The following PRDM16 variants were observed in gnomAD, a reference collection of about 807,000 sequenced individuals.
PRDM16 encodes PR/SET domain 16, also known as histone-lysine N-methyltransferase PRDM16.
PRDM16 carries 23 observed loss-of-function variants against 110.6 expected under a neutral mutation model. The observed-to-expected ratio is 0.21, with a 90% CI of 0.15 to 0.29. PRDM16 has a LOEUF of 0.29. PRDM16 is among the 10% of genes least tolerant of loss of function. The probability of loss-of-function intolerance (pLI) is 1.00; values close to 1 mark genes in which losing one functional copy is unlikely to be tolerated. For missense variants in PRDM16, 1,615 were observed against 1,794.3 expected (o/e 0.90, Z 1.81); for synonymous variants, 799 against 781.8 (o/e 1.02, Z -0.37).
intron 3 of PRDM16, among the ~76,000 whole-genome samples, chr1:3,379,958 A>G (rs1321602548): frequency 1.6e-3 from 67 of 42,864 alleles, no homozygotes; most frequent in East Asian, 3.2e-3. Context: ...ACCCCTCCCA[A>G]CACACCCCTC....
chr1:3,386,062 G>T (rs1053630946), intron 4 of PRDM16, among the ~76,000 whole-genome samples: 8 of 152,190 alleles, frequency 5.3e-5, no homozygotes, highest in Non-Finnish European at 1.0e-4. Context: ...CTTGCGAGTG[G>T]CCCCTGGAGG....
At chr1:3,210,362 C>T (rs1638853538) in intron 2 of PRDM16, among the ~76,000 whole-genome samples, 1 of 152,226 alleles carries the variant, frequency 6.6e-6, no homozygotes, top group Admixed American at 6.5e-5. Context: ...AACCAAGGCC[C>T]TGGAAGGCTT....
chr1:3,129,085 C>T lies in PRDM16; in HGVS notation c.38-57040C>T, dbSNP rs568633933. Reference sequence around the variant, plus strand: ...GGGGGGTTGCGTGTGCATGTGTGTGCGTTTCCTGGCTGGTGTGCGTGCATG... The same window carrying T: ...GGGGGGTTGCGTGTGCATGTGTGTGTGTTTCCTGGCTGGTGTGCGTGCATG... On this transcript the variant is annotated intron_variant, in intron 1 of 16. Coordinates refer to ENST00000270722, the MANE Select transcript of PRDM16 (RefSeq NM_022114.4). Among the ~76,000 whole-genome samples, 32 of 151,102 alleles carry T rather than the reference C, an allele frequency of 2.1e-4. No individual in the cohort carries two copies. The South Asian group carries it at 6.1e-3, about 29-fold the overall frequency.
At chr1:3,241,290 T>TG (rs1001697693) in intron 2 of PRDM16, among the ~76,000 whole-genome samples, 23 of 152,194 alleles carry the variant, frequency 1.5e-4, no homozygotes, top group African/African-American at 4.6e-4. Context: ...GCAGGGCAGC[T>TG]GGGGGGGCTC....
intron 2 of PRDM16, among the ~76,000 whole-genome samples, chr1:3,200,299 G>A (rs909414440): frequency 2.6e-5 from 4 of 152,186 alleles, no homozygotes; most frequent in African/African-American, 9.6e-5. Flanking sequence ...GCTCTACCGA[G>A]GCCCTTAGCC....
chr1:3,195,279 C>T (rs536602810), intron 2 of PRDM16, among the ~76,000 whole-genome samples: 1 of 152,152 alleles, frequency 6.6e-6, no homozygotes, highest in Non-Finnish European at 1.5e-5. Context: ...TGACATCAGC[C>T]CTAGACGTTT....
In PRDM16 at chr1:3,319,828, C is replaced by T. The variant is rs553884030; in HGVS notation, c.439-65324C>T. 1.2e-4 allele frequency among the ~76,000 whole-genome samples: 19 copies of T among 152,318 alleles called. No individual in the cohort carries two copies. The East Asian group carries it at 3.1e-3, about 25-fold the overall frequency. On this transcript the variant is annotated intron_variant, in intron 3 of 16. Transcript: ENST00000270722. ...TAGGCGCTCCTCCCATGGCTTTAGCCGGCTTCCCCAAAGAGTTTTGGTGCC... is the reference window on the plus strand; with the variant it reads ...TAGGCGCTCCTCCCATGGCTTTAGCTGGCTTCCCCAAAGAGTTTTGGTGCC...
Position 3,250,744 on chromosome 1 carries a change from CCCAAGT to C in PRDM16, c.438+6613_438+6618del, listed in dbSNP as rs1373892815. Among the ~76,000 whole-genome samples the C allele has an allele frequency of 3.3e-5, 5 of 152,310 alleles. No individual in the cohort carries two copies. In the East Asian group the frequency reaches 9.7e-4, roughly 29 times the overall value. On this transcript the variant is annotated intron_variant, in intron 3 of 16. Transcript: ENST00000270722. ...AAAGGCATTGTTCACACACATCCAG[CCCAAGT>C]CCAAGAGCACATGGGGGGACGTGAG...
At chr1:3,404,250 G>A (rs759994396) in intron 6 of PRDM16, among the ~76,000 whole-genome samples, 2 of 152,186 alleles carry the variant, frequency 1.3e-5, no homozygotes, top group South Asian at 2.1e-4. Context: ...AGCTGTGCTC[G>A]GGTCCCCTCC....
At chr1:3,327,884 T>C (rs1168784022) in intron 3 of PRDM16, among the ~76,000 whole-genome samples, 1 of 152,188 alleles carries the variant, frequency 6.6e-6, no homozygotes, top group Non-Finnish European at 1.5e-5. Flanking sequence ...GTTACCCCCA[T>C]TCCACAGATG....
In PRDM16 at chr1:3,244,271, G is replaced by A. The variant is rs1019491624; in HGVS notation, c.438+134G>A. 3 of 802,182 alleles carry A rather than the reference G, an allele frequency of 3.7e-6. No individual in the cohort carries two copies. In the South Asian group the frequency reaches 4.5e-5, roughly 12 times the overall value. 49.7% of individuals were successfully genotyped at this position (802,182 alleles called of 1,614,324 possible). On this transcript the variant is annotated intron_variant, in intron 3 of 16. Coordinates refer to ENST00000270722, the MANE Select transcript of PRDM16 (RefSeq NM_022114.4). This position sits in a 1 kb window ranked among gnomAD's most constrained non-coding sequence, Gnocchi z 4.1. ...GTTGCTGGCAGGCCCCGAGCAATGT[G>A]TTATCTGTGGACTGACGTGTGCACA...
intron 1 of PRDM16, among the ~76,000 whole-genome samples, chr1:3,114,464 C>T (rs1333292923): frequency 2.0e-5 from 3 of 147,758 alleles, no homozygotes; most frequent in South Asian, 2.1e-4. Flanking sequence ...CACACGCACA[C>T]ACGCAGTGTA....
chr1:3,231,489 G>A (rs1272685306), intron 2 of PRDM16, among the ~76,000 whole-genome samples: 1 of 150,106 alleles, frequency 6.7e-6, no homozygotes, highest in Non-Finnish European at 1.5e-5. Context: ...GGGCGTCGAG[G>A]CTGCTCAGCC....
intron 3 of PRDM16, among the ~76,000 whole-genome samples, chr1:3,356,820 T>C (rs755817982): frequency 2.6e-5 from 4 of 151,900 alleles, no homozygotes; most frequent in Non-Finnish European, 5.9e-5. Context: ...AGTGTGGCGG[T>C]TCCTTATCTC....
intron 1 of PRDM16, among the ~76,000 whole-genome samples, chr1:3,154,759 T>C (rs1227149786): frequency 6.6e-6 from 1 of 152,108 alleles, no homozygotes; most frequent in East Asian, 1.9e-4. Flanking sequence ...CCCAGGCCGT[T>C]CTCACTCCTC....
At chr1:3,086,619 C>T (rs1409505423) in intron 1 of PRDM16, among the ~76,000 whole-genome samples, 1 of 152,122 alleles carries the variant, frequency 6.6e-6, no homozygotes, top group African/African-American at 2.4e-5. Context: ...GAGGCTGGGG[C>T]TCCCTTCCCC....
intron 2 of PRDM16, among the ~76,000 whole-genome samples, chr1:3,240,973 C>T (rs1336982024): frequency 1.3e-5 from 2 of 152,230 alleles, no homozygotes; most frequent in Non-Finnish European, 2.9e-5. Context: ...GAGAGCGCGG[C>T]GGCCGCTGCC....
intron 2 of PRDM16, among the ~76,000 whole-genome samples, chr1:3,191,401 G>A (rs182569499): frequency 7.8e-4 from 119 of 152,270 alleles, no homozygotes; most frequent in Non-Finnish European, 1.6e-3. Flanking sequence ...CCCCCAAGCC[G>A]GTGCCTCCTG....
chr1:3,092,476 G>T (rs1292973035), intron 1 of PRDM16, among the ~76,000 whole-genome samples: 5 of 150,904 alleles, frequency 3.3e-5, no homozygotes, highest in African/African-American at 1.2e-4. Context: ...TCGGGGCATT[G>T]TGACCATGGA....
Sources: allele counts gnomAD v4.1 joint callset (sites outside exome capture counted in the v4.1 genomes callset), GRCh38; gene constraint gnomAD v4.1.1; non-coding constraint Gnocchi (gnomAD v3.1); transcripts MANE v1.5; gene names NCBI Gene and HGNC (gene_info 2026-07-23, HGNC 2026-07-21).